XPO5: variants seen among roughly 807,000 people sequenced by gnomAD.
XPO5 encodes the protein exportin 5.
Under a neutral mutation model 160.6 loss-of-function variants are expected in XPO5, and 46 were observed. The observed-to-expected ratio is 0.29, with a 90% CI of 0.23 to 0.37. The LOEUF (loss-of-function observed/expected upper bound fraction) is 0.37, where lower values mean the gene tolerates loss of function less well. XPO5 is among the 10% of genes least tolerant of loss of function. XPO5 has a pLI of 1.00. For synonymous variants in XPO5, 537 were observed against 519.3 expected, an observed-to-expected ratio of 1.03 and a Z score of -0.46; for missense variants, 1,090 against 1,463.9, an observed-to-expected ratio of 0.74 and a Z score of 4.17.
In XPO5 at chr6:43,547,644, T is replaced by G. The variant is rs1023456461; in HGVS notation, c.2124A>C (p.Pro708=). The change falls in exon 19 of 32, where the codon CCA becomes CCC. Residue 708 remains proline, a synonymous_variant. Coordinates refer to ENST00000265351, the MANE Select transcript of XPO5 (RefSeq NM_020750.3). The part of the protein sequence containing the change: ...YVGTDQKSCD[P]GLEDPCGLNR... ...TTAAGCCACACGGATCCTCCAGGCC[T>G]GGGTCACAGCTCTTCTGATCTGTAC... 5 of 1,614,056 alleles carry G rather than the reference T, an allele frequency of 3.1e-6. No homozygotes were observed. Among genetic ancestry groups the G allele is most frequent in the Non-Finnish European group, 4.2e-6 (5 of 1,179,896 alleles).
intron 27 of XPO5, chr6:43,526,210 C>A: frequency 2.3e-6 from 1 of 444,156 alleles, no homozygotes; most frequent in South Asian, 2.8e-5. Flanking sequence ...GCACCAGACA[C>A]TGATTTAGTT....
chr6:43,530,993 T>A (rs1029373413), intron 22 of XPO5, among the ~76,000 whole-genome samples, 169 bp from the exon 23 acceptor site: 1 of 152,208 alleles, frequency 6.6e-6, no homozygotes, highest in Non-Finnish European at 1.5e-5. Context: ...AAGACAGATG[T>A]TGGTGGCCGA....
At position 43,528,591 on chromosome 6, in the gene XPO5, CAGGAGGTT is replaced by C. The variant is rs1793746056; in HGVS notation, c.2775+229_2775+236del. Among the ~76,000 whole-genome samples the C allele has an allele frequency of 1.3e-5, 2 of 152,088 alleles. 1 individual carries two copies. The highest frequency in any genetic ancestry group is 4.1e-4 in the South Asian group (2 of 4,830). ...CCTCTTTTTACCTCTCCTCAGTTAA[CAGGAGGTT>C]AGGAGCAGAATCTGCAACTGAAGCT... On this transcript the variant is annotated intron_variant, in intron 24 of 31. Transcript: ENST00000265351.
chr6:43,573,430 TA>T (rs1763115019), intron 2 of XPO5, 49 bp downstream of exon 2: 1 of 1,606,738 alleles, frequency 6.2e-7, no homozygotes, highest in Non-Finnish European at 8.5e-7. Flanking sequence ...ATATAAGATA[TA>T]AAGATCTGTT....
At chr6:43,555,128 G>A (rs1761993361) in intron 13 of XPO5, 2 of 152,118 alleles carry the variant, frequency 1.3e-5, no homozygotes, top group African/African-American at 4.8e-5. Context: ...TTTTAGTAGA[G>A]ACAGGGTTTC....
At chr6:43,566,534 C>A (rs12663525) in intron 7 of XPO5, 11,129 of 213,234 alleles carry the variant, frequency 0.052, 435 homozygotes, top group African/African-American at 0.11. Flanking sequence ...ATAGGCTTGG[C>A]GCAGTGGCTC....
chr6:43,565,274 G>T (rs987050908), intron 8 of XPO5, among the ~76,000 whole-genome samples: 1 of 152,016 alleles, frequency 6.6e-6, no homozygotes, highest in African/African-American at 2.4e-5. Context: ...TAGCATTTAA[G>T]TAAGAACTTC....
At chr6:43,530,564 TTAGA>T (rs1793905438) in intron 23 of XPO5, 120 bp downstream of exon 23, 1 of 1,183,698 alleles carries the variant, frequency 8.4e-7, no homozygotes, top group African/African-American at 1.5e-5. Flanking sequence ...CATGATACAC[TTAGA>T]TACATAATCT....
At chr6:43,560,839 T>G in intron 10 of XPO5, 85 bp downstream of exon 10, 24 of 1,118,152 alleles carry the variant, frequency 2.1e-5, no homozygotes, top group African/African-American at 3.1e-5. Flanking sequence ...ATTTTATACA[T>G]GATCTACAAT....
At position 43,560,912 on chromosome 6, in the gene XPO5, T is replaced by C; in HGVS notation, c.1095+12A>G. 1 of 1,610,756 alleles carries C rather than the reference T, an allele frequency of 6.2e-7. No homozygotes were observed. Among genetic ancestry groups the C allele is most frequent in the Non-Finnish European group, 8.5e-7 (1 of 1,177,032 alleles). ...AACTAAACTTTTGAGAAGTTACCTG[T>C]ATAAAGTTTACCTGACTTGGATGGG... On this transcript the variant is annotated intron_variant, in intron 10 of 31. Transcript: ENST00000265351.
chr6:43,529,931 C>T (rs975377587), intron 23 of XPO5, among the ~76,000 whole-genome samples: 1 of 134,188 alleles, frequency 7.5e-6, no homozygotes, highest in Non-Finnish European at 1.6e-5. Context: ...AAAAAAAGTG[C>T]TTCTAAAAAT....
chr6:43,548,322 C>T lies in XPO5; in HGVS notation c.1999G>A (p.Val667Met), dbSNP rs760578587. The part of the protein sequence containing the change: ...NQFKNYERQK[V>M]FLEELMAPVA... Reference sequence around the variant, plus strand: ...GGTGCCATCAGCTCCTCTAGGAACACCTTCTGACGCTCGTAGTTCTTAAAT... The same window carrying T: ...GGTGCCATCAGCTCCTCTAGGAACATCTTCTGACGCTCGTAGTTCTTAAAT... The change falls in exon 18 of 32, where the codon GTG becomes ATG. Residue 667 changes from valine to methionine, a missense_variant. This residue lies in a region of XPO5 where 810 missense variants were observed against 1,139.0 expected (regional missense o/e 0.71). Coordinates refer to ENST00000265351, the MANE Select transcript of XPO5 (RefSeq NM_020750.3). 27 of 1,613,630 alleles carry T rather than the reference C, an allele frequency of 1.7e-5. No individual in the cohort carries two copies. The highest frequency in any genetic ancestry group is 1.2e-4 in the South Asian group (11 of 91,040).
intron 15 of XPO5, 62 bp from the exon 16 acceptor site, chr6:43,549,996 A>G: frequency 6.4e-7 from 1 of 1,556,530 alleles, no homozygotes; most frequent in South Asian, 1.2e-5. Flanking sequence ...AGATCTTGCT[A>G]TGTTGCCCAG....
In XPO5 at chr6:43,524,942, A is replaced by G. The variant is rs767584568; in HGVS notation, c.3201T>C (p.Asp1067=). 4 of 1,613,704 alleles carry G rather than the reference A, an allele frequency of 2.5e-6. No homozygotes were observed. Among genetic ancestry groups the G allele is most frequent in the Non-Finnish European group, 3.4e-6 (4 of 1,179,886 alleles). Residue 1067 remains aspartate, a synonymous_variant, in exon 30 of 32, where the codon GAT becomes GAC. Coordinates refer to ENST00000265351, the MANE Select transcript of XPO5 (RefSeq NM_020750.3). ...CACTGGTGAAAAGCCACGTAACTGC[A>G]TCTGCGAGCAGTGTCCCTGACAGCA... is the stretch of plus-strand genomic sequence containing the variant. ...KQVLSGTLLA[D]AVTWLFTSVL...
chr6:43,526,592 C>T lies in XPO5; in HGVS notation c.2983+93G>A, dbSNP rs1208257652. The T allele has an allele frequency of 1.5e-5, 22 of 1,435,178 alleles. No individual in the cohort carries two copies. In the Admixed American group the frequency reaches 4.0e-4, roughly 26 times the overall value. 88.9% of individuals were successfully genotyped at this position (1,435,178 alleles called of 1,614,324 possible). ...GATAACTACATGTAGGGTGTCTTCT[C>T]CTCACCAGACTGCAAGGAAACTGAC... is the stretch of plus-strand genomic sequence containing the variant. On this transcript the variant is annotated intron_variant, in intron 27 of 31. Coordinates refer to ENST00000265351, the MANE Select transcript of XPO5 (RefSeq NM_020750.3).
intron 24 of XPO5, 118 bp from the exon 25 acceptor site, chr6:43,528,323 G>T: frequency 2.0e-6 from 2 of 1,020,100 alleles, no homozygotes; most frequent in Non-Finnish European, 1.5e-6. Context: ...AGGCATCAAT[G>T]ACAACTTCTG....
intron 8 of XPO5, among the ~76,000 whole-genome samples, chr6:43,564,017 G>C (rs968129311): frequency 1.3e-5 from 2 of 152,080 alleles, no homozygotes; most frequent in Non-Finnish European, 2.9e-5. Context: ...TCGCCTCCCA[G>C]GTTCAAGCGA....
intron 3 of XPO5, 46 bp downstream of exon 3, chr6:43,572,460 G>A: frequency 6.3e-7 from 1 of 1,593,894 alleles, no homozygotes; most frequent in Non-Finnish European, 8.6e-7. Context: ...GTCACGCTTT[G>A]CCTAAACTAC....
At chr6:43,525,288 A>C in intron 28 of XPO5, 74 bp from the exon 29 acceptor site, 1 of 1,363,216 alleles carries the variant, frequency 7.3e-7, no homozygotes, top group East Asian at 2.5e-5. Flanking sequence ...ACACATCAGG[A>C]GCCGGAGGGT....
Sources: gnomAD v4.1 joint callset for allele counts (sites outside exome capture counted in the v4.1 genomes callset) on GRCh38, gnomAD v4.1.1 for gene constraint, gnomAD v4.1.1 regional missense constraint, MANE v1.5 for transcripts, NCBI Gene and HGNC (gene_info 2026-07-23, HGNC 2026-07-21) for gene names.